Variants in MSI2 observed in about 807,000 individuals in gnomAD.
MSI2 encodes the protein RNA-binding protein Musashi homolog 2.
In MSI2, 17 loss-of-function variants were observed where a neutral mutation model predicts 45.6. The ratio of observed to expected loss-of-function variants is 0.37; its 90% CI spans 0.26 to 0.56. The LOEUF (loss-of-function observed/expected upper bound fraction) is 0.56. MSI2 is among the 20% of genes least tolerant of loss of function. The pLI, the probability that MSI2 is intolerant of heterozygous loss-of-function variation, is 0.77. For synonymous variants in MSI2, 156 were observed against 158.2 expected, an observed-to-expected ratio of 0.99 and a Z score of 0.11; for missense variants, 293 against 444.2, an observed-to-expected ratio of 0.66 and a Z score of 3.06.
intron 5 of MSI2, among the ~76,000 whole-genome samples, chr17:57,296,927 T>G (rs1319659315): frequency 4.6e-5 from 7 of 152,288 alleles, no homozygotes; most frequent in Non-Finnish European, 7.4e-5. Context: ...CAGGCTGGAG[T>G]GCAGTGGCGC....
At chr17:57,508,258 A>G (rs2086279502) in intron 6 of MSI2, among the ~76,000 whole-genome samples, 1 of 152,038 alleles carries the variant, frequency 6.6e-6, no homozygotes, top group Non-Finnish European at 1.5e-5. Flanking sequence ...CCTCAATGCC[A>G]CACACTGCAA....
chr17:57,346,357 G>C (rs1435441973), intron 5 of MSI2, among the ~76,000 whole-genome samples: 1 of 143,650 alleles, frequency 7.0e-6, no homozygotes, highest in African/African-American at 2.6e-5. Context: ...TTGGGGGGGG[G>C]GGTCTGATTT....
intron 6 of MSI2, among the ~76,000 whole-genome samples, chr17:57,495,688 T>C (rs2085966047): frequency 6.6e-6 from 1 of 152,144 alleles, no homozygotes; most frequent in African/African-American, 2.4e-5. Context: ...CATTGATTCC[T>C]GGTGGTCCCA....
intron 6 of MSI2, among the ~76,000 whole-genome samples, chr17:57,466,074 C>T (rs936968935): frequency 2.5e-4 from 38 of 152,148 alleles, no homozygotes; most frequent in Admixed American, 6.5e-4. Flanking sequence ...CTCCCCAGCT[C>T]GGTGCACACC....
intron 5 of MSI2, among the ~76,000 whole-genome samples, chr17:57,284,902 T>C (rs1036782348): frequency 1.4e-5 from 2 of 141,142 alleles, no homozygotes; most frequent in Admixed American, 6.9e-5. Context: ...AAAATGACCT[T>C]TTTTTTTTTT....
At chr17:57,515,161 T>C (rs758620169) in intron 6 of MSI2, among the ~76,000 whole-genome samples, 39 of 152,240 alleles carry the variant, frequency 2.6e-4, no homozygotes, top group Admixed American at 1.3e-4. Context: ...AATAGAAAGA[T>C]TGGAAACCAC....
chr17:57,295,992 C>CTTTTTTTTTTTTTTTTTT (rs386386327), intron 5 of MSI2, among the ~76,000 whole-genome samples: 2 of 38,654 alleles, frequency 5.2e-5, no homozygotes, highest in African/African-American at 6.8e-5. Flanking sequence ...CGCAGCCTTC[C>CTTTTTTTTTTTTTTTTTT]TTTTTTTTTT....
At chr17:57,419,253 C>T (rs1367104249) in intron 6 of MSI2, among the ~76,000 whole-genome samples, 1 of 151,090 alleles carries the variant, frequency 6.6e-6, no homozygotes, top group African/African-American at 2.4e-5. Context: ...ACCTTAATTA[C>T]AGGCTAAAAA....
At chr17:57,318,515 A>G (rs1452909729) in intron 5 of MSI2, among the ~76,000 whole-genome samples, 3 of 151,870 alleles carry the variant, frequency 2.0e-5, no homozygotes, top group African/African-American at 7.3e-5. Context: ...ATCACAGAGG[A>G]CTGGGAATGG....
At chr17:57,436,536 T>C (rs2084693790) in intron 6 of MSI2, among the ~76,000 whole-genome samples, 1 of 152,210 alleles carries the variant, frequency 6.6e-6, no homozygotes, top group Non-Finnish European at 1.5e-5. Context: ...AGCGTGGGCC[T>C]TGCTTTGCTA....
chr17:57,346,454 C>T (rs114005331), intron 5 of MSI2, among the ~76,000 whole-genome samples: 2,569 of 151,518 alleles, frequency 0.017, 69 homozygotes, highest in African/African-American at 0.058. Context: ...CTGAGCCTTC[C>T]GGGGGTTTGA....
chr17:57,340,126 C>A (rs1167873818), intron 5 of MSI2, among the ~76,000 whole-genome samples: 1 of 152,176 alleles, frequency 6.6e-6, no homozygotes, highest in Non-Finnish European at 1.5e-5. Flanking sequence ...TACCTTAACT[C>A]CATGATGTCT....
intron 7 of MSI2, among the ~76,000 whole-genome samples, chr17:57,553,499 C>T (rs2087354796): frequency 6.6e-6 from 1 of 152,192 alleles, no homozygotes; most frequent in Admixed American, 6.5e-5. Flanking sequence ...CCCTGCTTTC[C>T]CACTTCTGCC....
chr17:57,595,073 G>A (rs1905146288), intron 7 of MSI2, among the ~76,000 whole-genome samples: 1 of 152,270 alleles, frequency 6.6e-6, no homozygotes, highest in East Asian at 1.9e-4. Flanking sequence ...CCCTGCAGGA[G>A]CTATGCTAAA....
chr17:57,667,755 C>T lies in MSI2; in HGVS notation c.791-7217C>T, dbSNP rs186953548. On this transcript the variant is annotated intron_variant, in intron 11 of 13. Coordinates refer to ENST00000284073, the MANE Select transcript of MSI2 (RefSeq NM_138962.4). Reference sequence around the variant, plus strand: ...ACAGCCCATTCAAGGCTGCTCCATCCCCAGAATTTACACCATGAGCAGACA... The same window carrying T: ...ACAGCCCATTCAAGGCTGCTCCATCTCCAGAATTTACACCATGAGCAGACA... Among the ~76,000 whole-genome samples the T allele has an allele frequency of 6.9e-3, 1,045 of 152,288 alleles. 6 individuals are homozygous for T. Among genetic ancestry groups the T allele is most frequent in the African/African-American group, 0.021 (888 of 41,548 alleles).
intron 10 of MSI2, among the ~76,000 whole-genome samples, chr17:57,638,060 C>A (rs1909972031): frequency 6.6e-6 from 1 of 152,224 alleles, no homozygotes; most frequent in African/African-American, 2.4e-5. Context: ...AACAAAGCAA[C>A]AACGAAAAAC....
intron 6 of MSI2, among the ~76,000 whole-genome samples, chr17:57,513,393 A>G (rs541221507): frequency 3.3e-4 from 51 of 152,382 alleles, no homozygotes; most frequent in African/African-American, 1.2e-3. Flanking sequence ...AATAAATACT[A>G]GAGCCAGCAT....
intron 6 of MSI2, among the ~76,000 whole-genome samples, chr17:57,429,045 C>T (rs1212782840): frequency 6.6e-6 from 1 of 152,146 alleles, no homozygotes; most frequent in African/African-American, 2.4e-5. Context: ...AGTCCTTATC[C>T]TTAGTGCCCT....
intron 5 of MSI2, among the ~76,000 whole-genome samples, chr17:57,385,789 A>G (rs1478108001): frequency 6.6e-6 from 1 of 152,216 alleles, no homozygotes; most frequent in African/African-American, 2.4e-5. Context: ...CTTCTGTGTT[A>G]TAGTTGTTGT....
Sources: gnomAD v4.1 joint callset for allele counts (sites outside exome capture counted in the v4.1 genomes callset) on GRCh38, gnomAD v4.1.1 for gene constraint, MANE v1.5 for transcripts, NCBI Gene and HGNC (gene_info 2026-07-23, HGNC 2026-07-21) for gene names.